SRPRB: variants seen among roughly 807,000 people sequenced by gnomAD.
The protein encoded by SRPRB is SRP receptor subunit beta.
In SRPRB, 20 loss-of-function variants were observed where a neutral mutation model predicts 31.9. The ratio of observed to expected loss-of-function variants is 0.63; its 90% CI spans 0.44 to 0.91. SRPRB has a LOEUF of 0.91. Ranked by LOEUF, SRPRB falls within the 40% of genes least tolerant of loss-of-function variation. SRPRB has a pLI of 0.00. For synonymous variants in SRPRB, 146 were observed against 132.8 expected (o/e 1.10, Z -0.68); for missense variants, 321 against 324.9 (o/e 0.99, Z 0.09).
downstream of SRPRB, among the ~76,000 whole-genome samples, chr3:133,821,723 C>CA (rs1417592666): frequency 2.0e-5 from 3 of 152,220 alleles, no homozygotes; most frequent in Admixed American, 6.5e-5. Flanking sequence ...ACCCTACTCT[C>CA]AGACAATTTG....
chr3:133,809,636 T>C (rs151009852), intron 3 of SRPRB, among the ~76,000 whole-genome samples: 239 of 152,276 alleles, frequency 1.6e-3, no homozygotes, highest in Middle Eastern at 6.8e-3. Context: ...TTTAAATCTG[T>C]ACCTTCTAAT....
chr3:133,791,550 A>T (rs1200062035), intron 1 of SRPRB: 2 of 152,186 alleles, frequency 1.3e-5, no homozygotes, highest in East Asian at 1.9e-4. Context: ...GATTAATATA[A>T]AAAAAGAATT....
intron 1 of SRPRB, chr3:133,788,706 G>A (rs1191560000): frequency 3.3e-5 from 5 of 152,114 alleles, no homozygotes; most frequent in African/African-American, 9.7e-5. Flanking sequence ...GGAGGCAACC[G>A]CAGGTTTCTG....
rs1576385440 is a variant in SRPRB, at chr3:133,817,707, A to G, written c.602+775A>G. Among the ~76,000 whole-genome samples, 5 of 152,196 alleles carry G rather than the reference A, an allele frequency of 3.3e-5. No homozygotes were observed. In the South Asian group the frequency reaches 1.0e-3, roughly 31 times the overall value. Reference sequence around the variant, plus strand: ...AGGATCTGATGAGGAAAAACTGTATAAATTCAACTTTTAGAAACTTTTCTC... The same window carrying G: ...AGGATCTGATGAGGAAAAACTGTATGAATTCAACTTTTAGAAACTTTTCTC... On this transcript the variant is annotated intron_variant, in intron 6 of 6. Coordinates refer to ENST00000678299, the MANE Select transcript of SRPRB (RefSeq NM_001379313.1).
chr3:133,793,278 G>A (rs1167311083), intron 1 of SRPRB: 1 of 152,072 alleles, frequency 6.6e-6, no homozygotes, highest in African/African-American at 2.4e-5. Flanking sequence ...TCATCATTTT[G>A]CTAAATGAAT....
intron 3 of SRPRB, among the ~76,000 whole-genome samples, chr3:133,809,925 TCTATATTTCTA>T (rs1935229122): frequency 6.6e-6 from 1 of 152,254 alleles, no homozygotes; most frequent in Non-Finnish European, 1.5e-5. Context: ...CTTCTGTTAT[TCTATATTTCTA>T]CTATATTTCT....
Position 133,819,571 on chromosome 3 carries a change from C to T in SRPRB, c.621C>T (p.Thr207=). The change falls in exon 7 of 7, where the codon ACC becomes ACT. Residue 207 remains threonine (T), a synonymous_variant. Coordinates refer to ENST00000678299, the MANE Select transcript of SRPRB (RefSeq NM_001379313.1). Reference sequence around the variant, plus strand: ...CCCACAGCAACACCTTACGAGTTACCCGTTCTGCTGCCCCCAGCACACTGG... The same window carrying T: ...CCCACAGCAACACCTTACGAGTTACTCGTTCTGCTGCCCCCAGCACACTGG... The part of the protein sequence containing the change: ...LEKELNTLRV[T]RSAAPSTLDS... 1.2e-6 allele frequency: 2 copies of T among 1,613,866 alleles called. No individual in the cohort carries two copies. The highest frequency in any genetic ancestry group is 1.7e-6 in the Non-Finnish European group (2 of 1,179,796).
chr3:133,793,157 C>T (rs1246133510), intron 1 of SRPRB: 1 of 152,060 alleles, frequency 6.6e-6, no homozygotes, highest in African/African-American at 2.4e-5. Context: ...TTTGAATAAA[C>T]TACCCCCCCA....
downstream of SRPRB, chr3:133,824,782 AAG>A (rs1342872542): frequency 1.3e-5 from 2 of 152,154 alleles, no homozygotes; most frequent in African/African-American, 2.4e-5. Context: ...CCTAACCAAA[AAG>A]AGTAGAGATG....
intron 6 of SRPRB, among the ~76,000 whole-genome samples, chr3:133,818,185 A>G (rs1935398993): frequency 6.6e-6 from 1 of 152,148 alleles, no homozygotes; most frequent in Non-Finnish European, 1.5e-5. Context: ...AATTCTCTTG[A>G]AATTGTTGGG....
Position 133,819,494 on chromosome 3 carries a change from T to C in SRPRB, c.603-59T>C, listed in dbSNP as rs1935428235. 21 of 1,493,256 alleles carry C rather than the reference T, an allele frequency of 1.4e-5. No homozygotes were observed. In the Admixed American group the frequency reaches 3.6e-4, roughly 26 times the overall value. 92.5% of individuals were successfully genotyped at this position (1,493,256 alleles called of 1,614,324 possible). On this transcript the variant is annotated intron_variant, in intron 6 of 6. Coordinates refer to ENST00000678299, the MANE Select transcript of SRPRB (RefSeq NM_001379313.1). ...GAGTGCTGAAATGTTTAGAAACTAA[T>C]ATGATTTAATTGCTGTATAAAAATT...
intron 1 of SRPRB, chr3:133,793,814 A>G (rs1215070876): frequency 6.6e-6 from 1 of 152,190 alleles, no homozygotes; most frequent in Non-Finnish European, 1.5e-5. Flanking sequence ...GGACCCTAAA[A>G]AGCACTCTTG....
At chr3:133,808,319 A>AT (rs1471995854) in intron 3 of SRPRB, among the ~76,000 whole-genome samples, 1 of 144,318 alleles carries the variant, frequency 6.9e-6, no homozygotes, top group African/African-American at 2.5e-5. Flanking sequence ...TATATCCTTT[A>AT]TTGTTGTTTT....
At chr3:133,827,746 A>ACCAC, downstream of SRPRB, 2 of 72,114 alleles carry the variant, frequency 2.8e-5, no homozygotes, top group Non-Finnish European at 5.5e-5. Flanking sequence ...TGCAGACAAC[A>ACCAC]CCCCCCCCCC....
intron 1 of SRPRB, chr3:133,787,541 A>G (rs1490865957): frequency 6.6e-6 from 1 of 152,260 alleles, no homozygotes; most frequent in Non-Finnish European, 1.5e-5. Flanking sequence ...AAAAGTAGAA[A>G]TAGTATAATA....
intron 1 of SRPRB, among the ~76,000 whole-genome samples, chr3:133,799,827 T>C (rs1194552183): frequency 1.3e-5 from 2 of 152,194 alleles, no homozygotes; most frequent in Non-Finnish European, 2.9e-5. Context: ...AAGGAAAAAG[T>C]GCCATTGGGT....
In SRPRB at chr3:133,789,879, G is replaced by GT. The variant is rs56267966; in HGVS notation, c.-174+5764dup. On this transcript the variant is annotated intron_variant, in intron 1 of 7. Transcript: ENST00000466490. ...GCCAAAACAAAACGATCTCGTTTGC[G>GT]TTTTTTTTTTTTTTTTTTTTTTTTT... The GT allele has an allele frequency of 9.9e-3, 878 of 88,920 alleles. 186 individuals are homozygous for GT. The highest frequency in any genetic ancestry group is 0.041 in the African/African-American group (748 of 18,232). 5.5% of individuals were successfully genotyped at this position (88,920 alleles called of 1,614,324 possible).
In SRPRB at chr3:133,800,522, T is replaced by C. The variant is rs544100043; in HGVS notation, c.-173-5154T>C. On this transcript the variant is annotated intron_variant, in intron 1 of 7. Transcript: ENST00000466490. ...CCCAAGCTGCCTGGCCAGATGTCTG[T>C]GGACTAAGTGTGACTGATGGATATA... Among the ~76,000 whole-genome samples, 4 of 152,328 alleles carry C rather than the reference T, an allele frequency of 2.6e-5. No individual in the cohort carries two copies. In the South Asian group the frequency reaches 6.2e-4, roughly 24 times the overall value.
At chr3:133,803,739 T>C (rs1315861440), upstream of SRPRB, among the ~76,000 whole-genome samples, 3 of 151,048 alleles carry the variant, frequency 2.0e-5, no homozygotes, top group African/African-American at 7.3e-5. Flanking sequence ...TGATCACAGC[T>C]CACGGTAACC....
Sources: gnomAD v4.1 joint callset for allele counts (sites outside exome capture counted in the v4.1 genomes callset) on GRCh38, gnomAD v4.1.1 for gene constraint, MANE v1.5 for transcripts, NCBI Gene and HGNC (gene_info 2026-07-23, HGNC 2026-07-21) for gene names.